The following SIRPA variants were observed in gnomAD, a reference collection of about 807,000 sequenced individuals.
SIRPA encodes signal regulatory protein alpha, also known as tyrosine-protein phosphatase non-receptor type substrate 1.
Under a neutral mutation model 50.3 loss-of-function variants are expected in SIRPA, and 9 were observed. The observed-to-expected ratio is 0.18, with a 90% CI of 0.11 to 0.31. The LOEUF (loss-of-function observed/expected upper bound fraction) is 0.31, where lower values mean the gene tolerates loss of function less well. SIRPA is among the 10% of genes least tolerant of loss of function. SIRPA has a pLI of 1.00. For missense variants in SIRPA, 474 were observed against 661.6 expected (o/e 0.72, Z 3.11); for synonymous variants, 265 against 284.1 (o/e 0.93, Z 0.68).
chr20:1,934,623 A>G lies in SIRPA; in HGVS notation c.1227-92A>G. The G allele has an allele frequency of 7.9e-7, 1 of 1,271,994 alleles. No homozygotes were observed. The highest frequency in any genetic ancestry group is 1.1e-6 in the Non-Finnish European group (1 of 875,126). 78.8% of individuals were successfully genotyped at this position (1,271,994 alleles called of 1,614,324 possible). ...CTTCGTTCATGTCCTCAACCCATAT[A>G]GAAAATGGAGCCTAAATGTTATTCT... On this transcript the variant is annotated intron_variant, in intron 6 of 7. Transcript: ENST00000358771. The surrounding 1 kb of genome is among the most constrained non-coding windows in gnomAD (Gnocchi z 4.6).
chr20:1,896,451 T>TG (rs1234300249), intron 1 of SIRPA, among the ~76,000 whole-genome samples: 1 of 23,842 alleles, frequency 4.2e-5, no homozygotes, highest in Non-Finnish European at 8.9e-5. Context: ...GGGCACCGGG[T>TG]GGGGGGCGGG....
intron 1 of SIRPA, among the ~76,000 whole-genome samples, chr20:1,896,709 G>T (rs1467892769): frequency 6.6e-6 from 1 of 152,048 alleles, no homozygotes; most frequent in African/African-American, 2.4e-5. Flanking sequence ...ATGGGGGGTA[G>T]ACAGCTGCTT....
chr20:1,903,714 G>A (rs912438601), intron 1 of SIRPA, among the ~76,000 whole-genome samples: 2 of 152,262 alleles, frequency 1.3e-5, no homozygotes, highest in Admixed American at 6.5e-5. Flanking sequence ...TTCTACGGGA[G>A]CATCTTCCCT....
chr20:1,935,680 A>C (rs1161660171), intron 7 of SIRPA, among the ~76,000 whole-genome samples: 1 of 152,216 alleles, frequency 6.6e-6, no homozygotes, highest in African/African-American at 2.4e-5. Context: ...GGGGGAAAAA[A>C]ATGATGGTGA....
At position 1,924,601 on chromosome 20, in the gene SIRPA, G is replaced by A. The variant is rs918016147; in HGVS notation, c.1088-163G>A. ...TCATGGATGAGTCTCGTGGGCAAGT[G>A]TGTACAGACCCATGAGTGTGCCCAT... On this transcript the variant is annotated intron_variant, in intron 4 of 7. Coordinates refer to ENST00000358771, the MANE Select transcript of SIRPA (RefSeq NM_001040023.2). This position sits in a 1 kb window ranked among gnomAD's most constrained non-coding sequence, Gnocchi z 4.5. 1.3e-4 allele frequency among the ~76,000 whole-genome samples: 20 copies of A among 152,206 alleles called. No individual in the cohort carries two copies. Among genetic ancestry groups the A allele is most frequent in the Admixed American group, 4.6e-4 (7 of 15,280 alleles).
rs1432266948 is a variant in SIRPA, at chr20:1,915,359, G to A, written c.340G>A (p.Ala114Thr). The A allele has an allele frequency of 6.2e-7, 1 of 1,612,216 alleles. No individual in the cohort carries two copies. ...CATCCGCATCGGTAACATCACCCCA[G>A]CAGATGCCGGCACCTACTACTGTGT... ...FSIRIGNITP[A>T]DAGTYYCVKF... The change falls in exon 2 of 8, where the codon GCA becomes ACA. Residue 114 changes from alanine (A) to threonine (T), a missense_variant. Physicochemically the swap from Ala to Thr is moderately conservative, Grantham distance 58. This residue lies in a region of SIRPA where 221 missense variants were observed against 359.9 expected (regional missense o/e 0.61). Transcript: ENST00000358771.
intron 6 of SIRPA, among the ~76,000 whole-genome samples, chr20:1,929,272 C>T (rs894727691): frequency 3.5e-4 from 53 of 151,938 alleles, no homozygotes; most frequent in African/African-American, 1.3e-3. Flanking sequence ...GTGTAGGTGA[C>T]CATAGCGGTA....
At chr20:1,910,382 C>CA (rs1268223131) in intron 1 of SIRPA, among the ~76,000 whole-genome samples, 1 of 151,962 alleles carries the variant, frequency 6.6e-6, no homozygotes, top group African/African-American at 2.4e-5. Context: ...ATGTTCACTG[C>CA]AAAAAAATAC....
intron 1 of SIRPA, among the ~76,000 whole-genome samples, chr20:1,899,205 T>TA (rs750144272): frequency 0.068 from 9,659 of 141,434 alleles, 385 homozygotes; most frequent in Middle Eastern, 0.11. Context: ...AAGTTTTCTT[T>TA]AAAAAAAAAA....
At chr20:1,899,360 T>C (rs538356895) in intron 1 of SIRPA, among the ~76,000 whole-genome samples, 6 of 152,182 alleles carry the variant, frequency 3.9e-5, no homozygotes, top group Non-Finnish European at 8.8e-5. Context: ...CTTTGCTGGC[T>C]ACTCAGCCAC....
intron 1 of SIRPA, among the ~76,000 whole-genome samples, chr20:1,914,538 A>T (rs113337458): frequency 0.4 from 60,757 of 150,134 alleles, 12,637 homozygotes; most frequent in East Asian, 0.66. Flanking sequence ...GGACTCAAAC[A>T]CACTGGCACG....
At chr20:1,900,909 A>G (rs1600391704) in intron 1 of SIRPA, among the ~76,000 whole-genome samples, 2 of 152,232 alleles carry the variant, frequency 1.3e-5, no homozygotes, top group East Asian at 1.9e-4. Flanking sequence ...TTATCTTCGG[A>G]CCCGTTGGAT....
intron 1 of SIRPA, among the ~76,000 whole-genome samples, chr20:1,896,665 G>C (rs1478733945): frequency 6.6e-6 from 1 of 152,096 alleles, no homozygotes; most frequent in Non-Finnish European, 1.5e-5. Context: ...AGGGAGAAAG[G>C]GAGAACTAGC....
chr20:1,920,758 G>A (rs1985599818), intron 2 of SIRPA, among the ~76,000 whole-genome samples: 1 of 152,226 alleles, frequency 6.6e-6, no homozygotes, highest in Non-Finnish European at 1.5e-5. Flanking sequence ...CTTTGGATAT[G>A]AATAAAGTCT....
intron 2 of SIRPA, among the ~76,000 whole-genome samples, chr20:1,916,619 A>G (rs888737416): frequency 1.3e-5 from 2 of 152,248 alleles, no homozygotes; most frequent in African/African-American, 2.4e-5. Context: ...AATGTAAGCC[A>G]TATCATTTGA....
chr20:1,910,674 A>G (rs1411124294), intron 1 of SIRPA, among the ~76,000 whole-genome samples: 2 of 152,232 alleles, frequency 1.3e-5, no homozygotes, highest in African/African-American at 4.8e-5. Context: ...ACATCATTAC[A>G]TGTACAGGTT....
chr20:1,894,280 G>A (rs1983622645), upstream of SIRPA: 1 of 142,704 alleles, frequency 7.0e-6, no homozygotes, highest in Non-Finnish European at 1.5e-5. This position sits in a 1 kb window ranked among gnomAD's most constrained non-coding sequence, Gnocchi z 4.0. Flanking sequence ...CCCGCGCCCC[G>A]ACTCCTTCGC....
intron 1 of SIRPA, among the ~76,000 whole-genome samples, chr20:1,904,006 T>C (rs1262444918): frequency 6.6e-6 from 1 of 152,126 alleles, no homozygotes; most frequent in Non-Finnish European, 1.5e-5. Flanking sequence ...GGTGGGTTAA[T>C]AGATACTGAT....
At position 1,920,674 on chromosome 20, in the gene SIRPA, G is replaced by A. The variant is rs534529112; in HGVS notation, c.437-721G>A. On this transcript the variant is annotated intron_variant, in intron 2 of 7. Transcript: ENST00000358771. ...CCTTTCAAATTTAGCACTTGGCACA[G>A]ATTAGACCCTGCTGGAATATTTGTG... Among the ~76,000 whole-genome samples the A allele has an allele frequency of 1.5e-3, 223 of 152,368 alleles. 1 individual carries two copies. Among genetic ancestry groups the A allele is most frequent in the Admixed American group, 4.5e-3 (69 of 15,310 alleles).
Sources: allele counts gnomAD v4.1 joint callset (sites outside exome capture counted in the v4.1 genomes callset), GRCh38; gene constraint gnomAD v4.1.1; regional missense constraint gnomAD v4.1.1; non-coding constraint Gnocchi (gnomAD v3.1); transcripts MANE v1.5; gene names NCBI Gene and HGNC (gene_info 2026-07-23, HGNC 2026-07-21).